The following ATP2B2 variants were observed in gnomAD, a reference collection of about 807,000 sequenced individuals.
The protein encoded by ATP2B2 is ATPase plasma membrane Ca2+ transporting 2, also known as plasma membrane calcium-transporting ATPase 2.
A neutral mutation model predicts 120.0 loss-of-function variants in ATP2B2; 15 were observed. That is an observed-to-expected ratio of 0.12 (90% confidence interval 0.08 to 0.19). ATP2B2 has a LOEUF of 0.19. Ranked by LOEUF, ATP2B2 falls within the 10% of genes least tolerant of loss-of-function variation. The probability of loss-of-function intolerance (pLI) is 1.00; values close to 1 mark genes in which losing one functional copy is unlikely to be tolerated. For missense variants in ATP2B2, 1,045 were observed against 1,719.8 expected (o/e 0.61, Z 6.94); for synonymous variants, 694 against 700.3 (o/e 0.99, Z 0.14).
intron 2 of ATP2B2, among the ~76,000 whole-genome samples, chr3:10,552,494 G>T (rs10510402): frequency 0.34 from 51,359 of 152,114 alleles, 9,270 homozygotes; most frequent in South Asian, 0.47. Flanking sequence ...ACACAAACAC[G>T]TTCAAAGTCT....
At chr3:10,337,180 C>A (rs1024260077) in intron 22 of ATP2B2, among the ~76,000 whole-genome samples, 9 of 152,220 alleles carry the variant, frequency 5.9e-5, no homozygotes, top group Non-Finnish European at 1.2e-4. Context: ...CCTCCCAGGG[C>A]TGTGAAGGTC....
rs201949381 is a variant in ATP2B2, at chr3:10,610,155, ATG to A, written c.-415+9760_-415+9761del. Among the ~76,000 whole-genome samples, 473 of 100,912 alleles carry A rather than the reference ATG, an allele frequency of 4.7e-3. 15 individuals are homozygous for A. In the East Asian group the frequency reaches 0.12, roughly 26 times the overall value. 66.2% of individuals were successfully genotyped at this position (100,912 alleles called of 152,430 possible). Reference sequence around the variant, plus strand: ...TATATACATGTATATATATATATATATGACAGGAAAAAATATATATCGTGTGT... The same window carrying A: ...TATATACATGTATATATATATATATAACAGGAAAAAATATATATCGTGTGT... On this transcript the variant is annotated intron_variant, in intron 2 of 21. Transcript: ENST00000646379.
chr3:10,488,774 C>A (rs1001352186), intron 1 of ATP2B2, among the ~76,000 whole-genome samples: 6 of 152,172 alleles, frequency 3.9e-5, no homozygotes, highest in African/African-American at 1.4e-4. Context: ...CAGCCACCAT[C>A]CTCTCTCACC....
intron 1 of ATP2B2, among the ~76,000 whole-genome samples, chr3:10,694,477 T>G (rs997752446): frequency 1.3e-5 from 2 of 152,244 alleles, no homozygotes; most frequent in Non-Finnish European, 2.9e-5. Context: ...TTGTTGTGTG[T>G]ATCAATAGTT....
intron 12 of ATP2B2, 60 bp from the exon 13 acceptor site, chr3:10,360,183 C>G: frequency 6.6e-7 from 1 of 1,523,402 alleles, no homozygotes; most frequent in Non-Finnish European, 8.8e-7. Context: ...AGCCTCTGCC[C>G]TGGCTGCCAC....
intron 1 of ATP2B2, among the ~76,000 whole-genome samples, chr3:10,698,122 T>G (rs531816094): frequency 1.3e-5 from 2 of 152,340 alleles, no homozygotes; most frequent in South Asian, 4.1e-4. Flanking sequence ...ATTTAATCCC[T>G]GCTGGGCTCA....
chr3:10,660,095 G>A (rs574538172), intron 1 of ATP2B2, among the ~76,000 whole-genome samples: 1 of 152,284 alleles, frequency 6.6e-6, no homozygotes, highest in Non-Finnish European at 1.5e-5. Flanking sequence ...CACATTTAAA[G>A]CAGTGTGTAG....
intron 2 of ATP2B2, among the ~76,000 whole-genome samples, chr3:10,589,230 G>T (rs1180785351): frequency 2.0e-5 from 3 of 152,180 alleles, no homozygotes; most frequent in Non-Finnish European, 2.9e-5. Flanking sequence ...TAAATGGAGT[G>T]GCCCAGAGAG....
At chr3:10,386,381 T>G in intron 7 of ATP2B2, 99 bp downstream of exon 7, 1 of 1,368,162 alleles carries the variant, frequency 7.3e-7, no homozygotes, top group African/African-American at 1.4e-5. Flanking sequence ...GCATGTGGCC[T>G]CCTCCAGCTG....
intron 1 of ATP2B2, among the ~76,000 whole-genome samples, chr3:10,640,161 A>G (rs1238304888): frequency 6.6e-6 from 1 of 152,198 alleles, no homozygotes; most frequent in Non-Finnish European, 1.5e-5. Flanking sequence ...GAGGTCTGAG[A>G]GGCTGAGCTA....
chr3:10,464,589 T>A (rs1485161982), intron 1 of ATP2B2, among the ~76,000 whole-genome samples: 1 of 152,134 alleles, frequency 6.6e-6, no homozygotes, highest in Non-Finnish European at 1.5e-5. Context: ...GGTCCCTAGA[T>A]CTGCAACCCC....
intron 2 of ATP2B2, among the ~76,000 whole-genome samples, chr3:10,603,169 C>T (rs535789795): frequency 6.6e-6 from 1 of 152,350 alleles, no homozygotes; most frequent in East Asian, 1.9e-4. Context: ...AGCAGCAGTT[C>T]ACCTTCTCTG....
intron 2 of ATP2B2, among the ~76,000 whole-genome samples, chr3:10,595,283 G>C (rs1247958803): frequency 5.9e-5 from 9 of 152,306 alleles, no homozygotes; most frequent in African/African-American, 1.9e-4. Context: ...AGGCGTGCTG[G>C]AGGTTCTCAG....
intron 1 of ATP2B2, among the ~76,000 whole-genome samples, chr3:10,467,151 T>A (rs973216310): frequency 5.9e-5 from 9 of 152,260 alleles, no homozygotes; most frequent in African/African-American, 2.2e-4. Flanking sequence ...TCTCTGGTCA[T>A]GACACCCTCA....
In ATP2B2 at chr3:10,633,500, G is replaced by A. The variant is rs551331775; in HGVS notation, c.-459-13539C>T. Among the ~76,000 whole-genome samples, 17 of 152,222 alleles carry A rather than the reference G, an allele frequency of 1.1e-4. No individual in the cohort carries two copies. In the South Asian group the frequency reaches 3.5e-3, roughly 32 times the overall value. ...TATTAATCAACAGGGACCAAGAAGGGCATCTATTAGTCACTAACACTTTAG... is the reference window on the plus strand; with the variant it reads ...TATTAATCAACAGGGACCAAGAAGGACATCTATTAGTCACTAACACTTTAG... On this transcript the variant is annotated intron_variant, in intron 1 of 21. Transcript: ENST00000646379.
intron 2 of ATP2B2, among the ~76,000 whole-genome samples, chr3:10,536,567 C>T (rs751008596): frequency 3.9e-5 from 6 of 151,972 alleles, no homozygotes; most frequent in Non-Finnish European, 8.8e-5. Context: ...CACTCTGTCA[C>T]CCAGGCTGGA....
chr3:10,411,564 T>C (rs2062612805), intron 2 of ATP2B2, among the ~76,000 whole-genome samples: 1 of 152,194 alleles, frequency 6.6e-6, no homozygotes, highest in African/African-American at 2.4e-5. Flanking sequence ...TGGCCCTCGC[T>C]CTCTGAGCCT....
intron 12 of ATP2B2, among the ~76,000 whole-genome samples, chr3:10,364,129 C>T (rs1452477202): frequency 1.1e-4 from 17 of 152,116 alleles, no homozygotes; most frequent in Admixed American, 1.1e-3. Context: ...AAACCAGTCA[C>T]AAAAGGACAG....
intron 2 of ATP2B2, among the ~76,000 whole-genome samples, chr3:10,435,888 G>A (rs2063466370): frequency 6.6e-6 from 1 of 152,300 alleles, no homozygotes; most frequent in East Asian, 1.9e-4. Flanking sequence ...AAAAACTACA[G>A]CTTAAAGAAA....
Sources: allele counts gnomAD v4.1 joint callset (sites outside exome capture counted in the v4.1 genomes callset), GRCh38; gene constraint gnomAD v4.1.1; transcripts MANE v1.5; gene names NCBI Gene and HGNC (gene_info 2026-07-23, HGNC 2026-07-21).